Variants in TFDP2 observed in about 807,000 individuals in gnomAD.
TFDP2 encodes transcription factor Dp-2, also known as transcription factor Dp-2 (E2F dimerization partner 2).
TFDP2 carries 17 observed loss-of-function variants against 59.3 expected under a neutral mutation model. The ratio of observed to expected loss-of-function variants is 0.29; its 90% CI spans 0.20 to 0.43. TFDP2 has a LOEUF of 0.43. Ranked by LOEUF, TFDP2 falls within the 20% of genes least tolerant of loss-of-function variation. The pLI is 1.00. For missense variants in TFDP2, 391 were observed against 528.8 expected (o/e 0.74, Z 2.56); for synonymous variants, 180 against 194.7 (o/e 0.92, Z 0.63).
intron 3 of TFDP2, among the ~76,000 whole-genome samples, chr3:142,007,286 T>C (rs545905062): frequency 1.3e-5 from 2 of 152,258 alleles, no homozygotes; most frequent in East Asian, 3.9e-4. Flanking sequence ...CAAGTCCTAG[T>C]ACCCAAATCT....
intron 3 of TFDP2, among the ~76,000 whole-genome samples, chr3:142,060,275 T>C (rs993185124): frequency 6.6e-6 from 1 of 152,168 alleles, no homozygotes; most frequent in Non-Finnish European, 1.5e-5. Context: ...CCCAAAGCAT[T>C]AGGATTATAG....
At chr3:142,070,778 A>C (rs1216296240) in intron 3 of TFDP2, among the ~76,000 whole-genome samples, 1 of 152,148 alleles carries the variant, frequency 6.6e-6, no homozygotes. Context: ...TGAGGTTTGA[A>C]GTATGTTTTA....
intron 3 of TFDP2, among the ~76,000 whole-genome samples, chr3:142,064,801 T>A (rs956816449): frequency 1.3e-5 from 2 of 152,214 alleles, no homozygotes; most frequent in African/African-American, 4.8e-5. Context: ...TAATTCTACC[T>A]AATCACAACA....
chr3:142,117,799 TAAG>T (rs1386500869), intron 1 of TFDP2, among the ~76,000 whole-genome samples: 2 of 151,860 alleles, frequency 1.3e-5, no homozygotes, highest in Non-Finnish European at 2.9e-5. Flanking sequence ...AAACAGGCGA[TAAG>T]AGGAGGAAAT....
At chr3:141,978,338 C>T (rs557249684) in intron 7 of TFDP2, among the ~76,000 whole-genome samples, 182 bp downstream of exon 7, 1 of 135,506 alleles carries the variant, frequency 7.4e-6, no homozygotes, top group African/African-American at 3.0e-5. Context: ...GAGTGAGGTT[C>T]CGCCTAAAAA....
intron 3 of TFDP2, among the ~76,000 whole-genome samples, chr3:142,078,105 A>G (rs1340443575): frequency 6.6e-6 from 1 of 151,922 alleles, no homozygotes; most frequent in Non-Finnish European, 1.5e-5. Context: ...TGGAAAGGGG[A>G]GAGAAGAGTG....
intron 10 of TFDP2, among the ~76,000 whole-genome samples, chr3:141,961,597 A>G (rs1359374455): frequency 6.6e-6 from 1 of 152,156 alleles, no homozygotes; most frequent in African/African-American, 2.4e-5. Flanking sequence ...ATATATTTAT[A>G]AAGAATTTGC....
At chr3:142,090,104 G>A (rs1299639553) in intron 3 of TFDP2, among the ~76,000 whole-genome samples, 1 of 152,074 alleles carries the variant, frequency 6.6e-6, no homozygotes, top group Non-Finnish European at 1.5e-5. Flanking sequence ...TTCACTTAAT[G>A]TGAAGTTCCT....
At chr3:142,122,736 A>G (rs1459179058) in intron 1 of TFDP2, among the ~76,000 whole-genome samples, 3 of 152,182 alleles carry the variant, frequency 2.0e-5, no homozygotes, top group African/African-American at 7.2e-5. Context: ...GCAAGACAGT[A>G]TTCAGGGCCA....
At chr3:141,999,520 T>C (rs1248645651) in intron 4 of TFDP2, among the ~76,000 whole-genome samples, 2 of 152,126 alleles carry the variant, frequency 1.3e-5, no homozygotes, top group Non-Finnish European at 2.9e-5. Flanking sequence ...ATCTATAACA[T>C]ATAACCATAA....
rs529578956 is a variant in TFDP2 at position 142,080,883 on chromosome 3, T to C, written c.82+12178A>G. 3.9e-5 allele frequency among the ~76,000 whole-genome samples: 6 copies of C among 152,250 alleles called. No individual in the cohort carries two copies. In the East Asian group the frequency reaches 5.8e-4, roughly 15 times the overall value. Reference sequence around the variant, plus strand: ...GACAGATAAACCCCCAATACAATAATAGCTGGAGACTTCAATATCCCACTT... The same window carrying C: ...GACAGATAAACCCCCAATACAATAACAGCTGGAGACTTCAATATCCCACTT... On this transcript the variant is annotated intron_variant, in intron 3 of 12. Transcript: ENST00000489671.
chr3:142,044,623 G>T (rs368817898), intron 3 of TFDP2, among the ~76,000 whole-genome samples: 1 of 152,020 alleles, frequency 6.6e-6, no homozygotes, highest in Admixed American at 6.6e-5. Context: ...TGCCCACCTC[G>T]GCTTCCCAAA....
At chr3:142,083,597 CAA>C (rs1408825347) in intron 3 of TFDP2, among the ~76,000 whole-genome samples, 1 of 152,084 alleles carries the variant, frequency 6.6e-6, no homozygotes, top group Non-Finnish European at 1.5e-5. Flanking sequence ...TACCTGACTT[CAA>C]ATTACACTAC....
rs1440821204 is a variant in TFDP2, at chr3:142,075,593, T to A, written c.82+17468A>T. Among the ~76,000 whole-genome samples the A allele has an allele frequency of 4.0e-5, 6 of 151,884 alleles. No homozygotes were observed. The East Asian group carries it at 1.2e-3, about 29-fold the overall frequency. On this transcript the variant is annotated intron_variant, in intron 3 of 12. Coordinates refer to ENST00000489671, the MANE Select transcript of TFDP2 (RefSeq NM_001178139.2). ...CCTCTCTACTGCTTTGAGATACTTT[T>A]AAAAAAATATATTGTATCCAGGCCA... is the stretch of plus-strand genomic sequence containing the variant.
intron 6 of TFDP2, among the ~76,000 whole-genome samples, chr3:141,981,253 G>A (rs11718167): frequency 0.074 from 11,323 of 152,222 alleles, 527 homozygotes; most frequent in Non-Finnish European, 0.11. Flanking sequence ...GTAACATGCT[G>A]TGCAGGTTTA....
chr3:141,966,681 G>C (rs922102533), intron 9 of TFDP2, among the ~76,000 whole-genome samples: 2 of 151,448 alleles, frequency 1.3e-5, no homozygotes, highest in Admixed American at 1.3e-4. Context: ...TTTCCTATGC[G>C]TTTATTATGG....
chr3:141,974,917 T>C (rs1159978833), intron 7 of TFDP2, among the ~76,000 whole-genome samples: 1 of 141,308 alleles, frequency 7.1e-6, no homozygotes, highest in East Asian at 2.0e-4. Context: ...CTTTTTTTTT[T>C]TTTTTTTTTT....
chr3:142,061,389 T>C (rs183235927), intron 3 of TFDP2, among the ~76,000 whole-genome samples: 6 of 152,220 alleles, frequency 3.9e-5, no homozygotes, highest in Admixed American at 1.3e-4. Context: ...TGGTTAACTT[T>C]TGTGTCAACT....
intron 3 of TFDP2, among the ~76,000 whole-genome samples, chr3:142,041,893 T>C (rs1267391913): frequency 2.6e-5 from 4 of 152,234 alleles, no homozygotes; most frequent in African/African-American, 9.6e-5. Context: ...TTGATTGTTC[T>C]AGCATCATTT....
Sources: gnomAD v4.1 joint callset for allele counts (sites outside exome capture counted in the v4.1 genomes callset) on GRCh38, gnomAD v4.1.1 for gene constraint, MANE v1.5 for transcripts, NCBI Gene and HGNC (gene_info 2026-07-23, HGNC 2026-07-21) for gene names.